Variants in CHSY3 observed in about 807,000 individuals in gnomAD.
The protein encoded by CHSY3 is N-acetylgalactosaminyl-proteoglycan 3-beta-glucuronosyltransferase 3.
A neutral mutation model predicts 67.2 loss-of-function variants in CHSY3; 35 were observed. That is an observed-to-expected ratio of 0.52 (90% CI 0.40 to 0.69). The LOEUF is 0.69. CHSY3 is among the 30% of genes least tolerant of loss of function. The probability of loss-of-function intolerance (pLI) is 0.00; values close to 1 mark genes in which losing one functional copy is unlikely to be tolerated. For missense variants in CHSY3, 1,069 were observed against 1,138.5 expected, an observed-to-expected ratio of 0.94 and a Z score of 0.88; for synonymous variants, 474 against 434.7, an observed-to-expected ratio of 1.09 and a Z score of -1.12.
chr5:129,943,009 T>A (rs1187675080), intron 2 of CHSY3, among the ~76,000 whole-genome samples: 1 of 152,208 alleles, frequency 6.6e-6, no homozygotes, highest in Non-Finnish European at 1.5e-5. Flanking sequence ...TATATTTTTT[T>A]ATCTTGATGA....
At chr5:130,091,258 G>A (rs548949714) in intron 2 of CHSY3, among the ~76,000 whole-genome samples, 6 of 152,098 alleles carry the variant, frequency 3.9e-5, no homozygotes, top group East Asian at 3.9e-4. Flanking sequence ...AAGTGTCCTC[G>A]ATTTAAAAAA....
intron 2 of CHSY3, among the ~76,000 whole-genome samples, chr5:130,129,638 T>C (rs1278605046): frequency 6.6e-6 from 1 of 152,152 alleles, no homozygotes; most frequent in Non-Finnish European, 1.5e-5. Flanking sequence ...AGAAAATGAA[T>C]ATTAAATAAT....
intron 2 of CHSY3, among the ~76,000 whole-genome samples, chr5:130,035,506 G>T (rs555826592): frequency 3.3e-4 from 50 of 152,212 alleles, no homozygotes; most frequent in African/African-American, 1.2e-3. Context: ...TACAGTTAAA[G>T]TAAAGCAACA....
chr5:130,070,873 A>G (rs1022487455), intron 2 of CHSY3, among the ~76,000 whole-genome samples: 1 of 152,010 alleles, frequency 6.6e-6, no homozygotes, highest in Non-Finnish European at 1.5e-5. Context: ...CTGCTTTAAG[A>G]CTCAGATTTG....
At chr5:130,101,253 C>T (rs535594530) in intron 2 of CHSY3, among the ~76,000 whole-genome samples, 60 of 152,232 alleles carry the variant, frequency 3.9e-4, no homozygotes, top group Non-Finnish European at 7.5e-4. Context: ...AGAGCAATCA[C>T]GATCAGTTTA....
intron 2 of CHSY3, among the ~76,000 whole-genome samples, chr5:130,086,623 T>C (rs1442437526): frequency 6.6e-6 from 1 of 152,018 alleles, no homozygotes; most frequent in East Asian, 1.9e-4. Context: ...CTAGAAGAAA[T>C]GGATAAATTC....
chr5:130,016,373 T>G (rs1391724948), intron 2 of CHSY3, among the ~76,000 whole-genome samples: 1 of 152,234 alleles, frequency 6.6e-6, no homozygotes, highest in Non-Finnish European at 1.5e-5. Context: ...GTCCATCATT[T>G]TCAAATAACA....
intron 2 of CHSY3, among the ~76,000 whole-genome samples, chr5:130,074,894 T>A (rs1296917065): frequency 3.4e-5 from 4 of 116,002 alleles, no homozygotes; most frequent in Non-Finnish European, 7.1e-5. Context: ...ATGATAGTAA[T>A]AATTAAGCTT....
intron 2 of CHSY3, among the ~76,000 whole-genome samples, chr5:130,012,289 C>T (rs1383939401): frequency 6.6e-6 from 1 of 152,154 alleles, no homozygotes; most frequent in Non-Finnish European, 1.5e-5. Context: ...ACAAATAAAG[C>T]TGCACACCTA....
chr5:130,122,848 T>C (rs900824085), intron 2 of CHSY3, among the ~76,000 whole-genome samples: 8 of 152,230 alleles, frequency 5.3e-5, no homozygotes, highest in African/African-American at 1.7e-4. Flanking sequence ...TTAGAAGCTA[T>C]GTATAACATG....
intron 2 of CHSY3, among the ~76,000 whole-genome samples, chr5:130,075,914 A>T (rs186536455): frequency 2.6e-5 from 4 of 152,238 alleles, no homozygotes; most frequent in African/African-American, 9.6e-5. Context: ...CTCTTGACCT[A>T]ATTTTCCTTT....
At chr5:129,936,567 C>G (rs1761499672) in intron 2 of CHSY3, among the ~76,000 whole-genome samples, 1 of 152,130 alleles carries the variant, frequency 6.6e-6, no homozygotes, top group South Asian at 2.1e-4. Context: ...ATTTGTTTCT[C>G]CATGTCACCA....
At chr5:129,987,407 A>G (rs964963568) in intron 2 of CHSY3, among the ~76,000 whole-genome samples, 2 of 152,242 alleles carry the variant, frequency 1.3e-5, no homozygotes, top group Admixed American at 1.3e-4. Context: ...TTATTATGAC[A>G]GATTTTTAAA....
chr5:130,014,880 T>G (rs1394194580), intron 2 of CHSY3, among the ~76,000 whole-genome samples: 2 of 151,910 alleles, frequency 1.3e-5, no homozygotes, highest in Admixed American at 1.3e-4. Context: ...ACTAAAGAGC[T>G]TTTGCACTGC....
chr5:130,143,748 A>ATG (rs1768955629), intron 2 of CHSY3, among the ~76,000 whole-genome samples: 4 of 120,412 alleles, frequency 3.3e-5, no homozygotes, highest in African/African-American at 1.5e-4. Context: ...ATATATATAT[A>ATG]TATATATATG....
In CHSY3 at chr5:130,184,692, T is replaced by C. The variant is rs1770359826; in HGVS notation, c.1550T>C (p.Ile517Thr). Residue 517 changes from isoleucine (I) to threonine (T), a missense_variant, in exon 3 of 3, where the codon ATT (isoleucine) becomes ACT (threonine). Ile to Thr is a moderately conservative substitution (Grantham distance 89). Transcript: ENST00000305031. ...AATGCCAAGAGCAGAGGACGGCTCA[T>C]TGACTTCAAGGAAATTCAGTATGGC... is the stretch of plus-strand genomic sequence containing the variant. ...NENAKSRGRL[I>T]DFKEIQYGYR... 6.2e-7 allele frequency: 1 copy of C among 1,610,468 alleles called. No homozygotes were observed. Among genetic ancestry groups the C allele is most frequent in the Non-Finnish European group, 8.5e-7 (1 of 1,176,726 alleles).
intron 2 of CHSY3, among the ~76,000 whole-genome samples, chr5:130,153,075 A>G (rs1446193241): frequency 6.6e-6 from 1 of 152,112 alleles, no homozygotes; most frequent in Non-Finnish European, 1.5e-5. Context: ...TACTAAAAAT[A>G]CAAAAATTAG....
intron 2 of CHSY3, among the ~76,000 whole-genome samples, chr5:129,946,355 G>T (rs907774197): frequency 6.6e-6 from 1 of 152,056 alleles, no homozygotes; most frequent in African/African-American, 2.4e-5. Flanking sequence ...AATTAGGCCA[G>T]GGCAAAATTT....
intron 2 of CHSY3, among the ~76,000 whole-genome samples, chr5:130,094,251 A>T (rs1179149174): frequency 1.4e-4 from 22 of 152,134 alleles, no homozygotes; most frequent in Non-Finnish European, 4.4e-5. Context: ...GAAACTCTAA[A>T]TGTAAGCATT....
Sources: gnomAD v4.1 joint callset for allele counts (sites outside exome capture counted in the v4.1 genomes callset) on GRCh38, gnomAD v4.1.1 for gene constraint, MANE v1.5 for transcripts, NCBI Gene and HGNC (gene_info 2026-07-23, HGNC 2026-07-21) for gene names.